The following PALLD variants were observed in gnomAD, a reference collection of about 807,000 sequenced individuals.
PALLD encodes palladin, cytoskeletal associated protein.
In PALLD, 61 loss-of-function variants were observed where a neutral mutation model predicts 123.5. That is an observed-to-expected ratio of 0.49 (90% CI 0.40 to 0.61). PALLD has a LOEUF of 0.61. Among genes scored for constraint, PALLD ranks in the 20% least tolerant of loss-of-function variants. PALLD has a pLI of 0.00. For synonymous variants in PALLD, 465 were observed against 496.4 expected (o/e 0.94, Z 0.84); for missense variants, 1,273 against 1,377.0 (o/e 0.92, Z 1.20).
At chr4:168,651,089 C>G (rs1008808802) in intron 2 of PALLD, among the ~76,000 whole-genome samples, 18 of 152,088 alleles carry the variant, frequency 1.2e-4, no homozygotes, top group Admixed American at 1.2e-3. Flanking sequence ...TGCAAGAAGG[C>G]AAAAGGTTCA....
At chr4:168,581,142 TA>T (rs932830141) in intron 2 of PALLD, among the ~76,000 whole-genome samples, 16 of 151,104 alleles carry the variant, frequency 1.1e-4, no homozygotes, top group South Asian at 4.2e-4. Flanking sequence ...GTTACAATAT[TA>T]AAAAAAAATA....
At chr4:168,648,489 T>C (rs1395906186) in intron 2 of PALLD, 1 of 152,220 alleles carries the variant, frequency 6.6e-6, no homozygotes, top group Admixed American at 6.5e-5. Flanking sequence ...AAAGTGTAAG[T>C]ACTTTGTCTG....
intron 8 of PALLD, among the ~76,000 whole-genome samples, chr4:168,703,393 G>A (rs74769992): frequency 0.12 from 13,362 of 107,930 alleles, 846 homozygotes; most frequent in African/African-American, 0.21. Flanking sequence ...CTTTATAGCA[G>A]CATGATTTAT....
chr4:168,580,832 G>C (rs1484632858), intron 2 of PALLD, among the ~76,000 whole-genome samples: 2 of 151,938 alleles, frequency 1.3e-5, no homozygotes, highest in East Asian at 3.9e-4. Context: ...AACATGGATG[G>C]TGCTAGAGGC....
At chr4:168,618,777 A>G (rs957644536) in intron 2 of PALLD, among the ~76,000 whole-genome samples, 32 of 152,218 alleles carry the variant, frequency 2.1e-4, no homozygotes, top group African/African-American at 6.8e-4. Context: ...CTTCCCTCCA[A>G]GGAAAATACT....
chr4:168,640,944 T>C (rs945880163), intron 2 of PALLD, among the ~76,000 whole-genome samples: 7 of 152,078 alleles, frequency 4.6e-5, no homozygotes, highest in East Asian at 1.9e-4. Context: ...CACGGTGGCC[T>C]ACGCCTGTAA....
chr4:168,883,411 A>G (rs1301628435), intron 10 of PALLD, among the ~76,000 whole-genome samples: 1 of 152,228 alleles, frequency 6.6e-6, no homozygotes, highest in Non-Finnish European at 1.5e-5. Context: ...TGTGGAATTT[A>G]GTTACCATCA....
chr4:168,791,101 A>G (rs1737452348), intron 10 of PALLD, among the ~76,000 whole-genome samples: 1 of 152,088 alleles, frequency 6.6e-6, no homozygotes, highest in South Asian at 2.1e-4. Flanking sequence ...AGCAGTCTAC[A>G]CCCACTCCCC....
At chr4:168,507,954 C>T (rs1762167190) in intron 1 of PALLD, among the ~76,000 whole-genome samples, 1 of 152,064 alleles carries the variant, frequency 6.6e-6, no homozygotes, top group Admixed American at 6.6e-5. Flanking sequence ...ATCCTCTTCA[C>T]CTCCCCGCTC....
intron 15 of PALLD, among the ~76,000 whole-genome samples, chr4:168,904,538 G>A (rs905491392): frequency 3.3e-5 from 5 of 152,126 alleles, no homozygotes; most frequent in African/African-American, 1.2e-4. Context: ...TTTTTATTAT[G>A]TTATACATTT....
rs993827423 is a variant in PALLD, at chr4:168,927,706, T to A, written c.*1526T>A. 1 of 225,014 alleles carries A rather than the reference T, an allele frequency of 4.4e-6. No homozygotes were observed. Among genetic ancestry groups the A allele is most frequent in the Non-Finnish European group, 8.9e-6 (1 of 112,452 alleles). The allele number at this position is 225,014 out of a possible 1,614,324, so 13.9% of individuals were successfully genotyped here. On this transcript the variant is annotated 3_prime_UTR_variant, in exon 22 of 22. Transcript: ENST00000505667. ...GGATTCCAAGGTTTGTAAAGGCATC[T>A]CGGTAAAGACTGCTTTTTGAATGCA...
chr4:168,515,007 T>C (rs1762862799), intron 2 of PALLD, among the ~76,000 whole-genome samples: 1 of 152,224 alleles, frequency 6.6e-6, no homozygotes, highest in Non-Finnish European at 1.5e-5. Flanking sequence ...AAGTCCAAAC[T>C]TGACAAATTA....
chr4:168,847,010 G>A (rs2150956820), intron 10 of PALLD, among the ~76,000 whole-genome samples: 1 of 152,318 alleles, frequency 6.6e-6, no homozygotes, highest in South Asian at 2.1e-4. Flanking sequence ...AAGGGGACTG[G>A]AATTGCAAGC....
chr4:168,603,663 T>A (rs1356745290), intron 2 of PALLD, among the ~76,000 whole-genome samples: 1 of 152,138 alleles, frequency 6.6e-6, no homozygotes, highest in African/African-American at 2.4e-5. Context: ...TAGGGATAGG[T>A]GTCATTCTCT....
chr4:168,512,435 T>C (rs747899427), intron 2 of PALLD, 23 bp downstream of exon 2: 114 of 1,590,364 alleles, frequency 7.2e-5, no homozygotes, highest in Non-Finnish European at 9.1e-5. Flanking sequence ...GTATTATGCA[T>C]AGCAAATGAT....
At chr4:168,503,181 G>C (rs1761609218) in intron 1 of PALLD, among the ~76,000 whole-genome samples, 1 of 152,188 alleles carries the variant, frequency 6.6e-6, no homozygotes, top group Admixed American at 6.5e-5. Context: ...AGTTGAATGA[G>C]GAAAGCATTC....
intron 2 of PALLD, among the ~76,000 whole-genome samples, chr4:168,600,030 C>CATATACATACATGTGTGTACACACATAT (rs149735380): frequency 2.8e-5 from 4 of 144,824 alleles, no homozygotes; most frequent in African/African-American, 5.3e-5. Flanking sequence ...TGTACACACA[C>CATATACATACATGTGTGTACACACATAT]ATACATACAT....
intron 19 of PALLD, 29 bp downstream of exon 19, chr4:168,924,449 T>TTAAC (rs1183240192): frequency 6.3e-7 from 1 of 1,590,362 alleles, no homozygotes; most frequent in South Asian, 1.1e-5. Context: ...AACCTGATCC[T>TTAAC]TAACTGTTCA....
chr4:168,828,514 AATAG>A (rs1743735541), intron 10 of PALLD, among the ~76,000 whole-genome samples: 1 of 152,216 alleles, frequency 6.6e-6, no homozygotes, highest in African/African-American at 2.4e-5. Flanking sequence ...TCGATTGATA[AATAG>A]ATAGATCTGT....
Sources: gnomAD v4.1 joint callset for allele counts (sites outside exome capture counted in the v4.1 genomes callset) on GRCh38, gnomAD v4.1.1 for gene constraint, MANE v1.5 for transcripts, NCBI Gene and HGNC (gene_info 2026-07-23, HGNC 2026-07-21) for gene names.